KIAA1958: variants seen among roughly 807,000 people sequenced by gnomAD.
KIAA1958 encodes the protein uncharacterized protein KIAA1958.
In KIAA1958, 14 loss-of-function variants were observed where a neutral mutation model predicts 47.2. The ratio of observed to expected loss-of-function variants is 0.30; its 90% CI spans 0.20 to 0.46. The LOEUF is 0.46. Ranked by LOEUF, KIAA1958 falls within the 20% of genes least tolerant of loss-of-function variation. KIAA1958 has a pLI of 1.00. For synonymous variants in KIAA1958, 354 were observed against 353.3 expected (o/e 1.00, Z -0.02); for missense variants, 803 against 909.2 (o/e 0.88, Z 1.50).
At chr9:112,510,948 T>C (rs975840480) in intron 1 of KIAA1958, among the ~76,000 whole-genome samples, 1 of 151,984 alleles carries the variant, frequency 6.6e-6, no homozygotes, top group African/African-American at 2.4e-5. Flanking sequence ...GGGGACAATG[T>C]TGGTGCATTT....
At chr9:112,522,748 C>T (rs1289608078) in intron 1 of KIAA1958, among the ~76,000 whole-genome samples, 1 of 152,140 alleles carries the variant, frequency 6.6e-6, no homozygotes, top group East Asian at 1.9e-4. Context: ...TTTACCCAGC[C>T]CTGAGACTAA....
chr9:112,577,007 T>C (rs1317283286), intron 2 of KIAA1958, among the ~76,000 whole-genome samples: 1 of 152,210 alleles, frequency 6.6e-6, no homozygotes, highest in Non-Finnish European at 1.5e-5. Context: ...CCAACACTTG[T>C]TATTTTTCAT....
chr9:112,564,914 C>G (rs1835401896), intron 1 of KIAA1958, among the ~76,000 whole-genome samples: 1 of 152,040 alleles, frequency 6.6e-6, no homozygotes. Flanking sequence ...GTGCAAGTGA[C>G]TTATTTATTT....
intron 2 of KIAA1958, among the ~76,000 whole-genome samples, chr9:112,639,346 A>G (rs768273751): frequency 4.6e-5 from 7 of 152,228 alleles, no homozygotes; most frequent in Middle Eastern, 3.4e-3. Flanking sequence ...TTATCAGCTC[A>G]ACCTATAATG....
At chr9:112,600,534 C>T (rs964858068) in intron 2 of KIAA1958, among the ~76,000 whole-genome samples, 44 of 152,326 alleles carry the variant, frequency 2.9e-4, no homozygotes, top group African/African-American at 1.0e-3. Flanking sequence ...TCTCTTCTTA[C>T]AGTGACACAA....
intron 1 of KIAA1958, among the ~76,000 whole-genome samples, chr9:112,500,532 C>T (rs1286173592): frequency 6.6e-6 from 1 of 151,040 alleles, no homozygotes; most frequent in East Asian, 1.9e-4. Context: ...TTGAGCAATC[C>T]TCCTGCCTTG....
chr9:112,513,234 ACCTCAGGTGAT>A (rs1391529535), intron 1 of KIAA1958, among the ~76,000 whole-genome samples: 1 of 124,306 alleles, frequency 8.0e-6, no homozygotes, highest in East Asian at 2.2e-4. Flanking sequence ...GGAACTCCTG[ACCTCAGGTGAT>A]CCACCCACCT....
chr9:112,520,111 A>G (rs949040950), intron 1 of KIAA1958, among the ~76,000 whole-genome samples: 1 of 152,210 alleles, frequency 6.6e-6, no homozygotes, highest in Non-Finnish European at 1.5e-5. Flanking sequence ...TTGATGGATT[A>G]AATTGGTTAG....
intron 2 of KIAA1958, among the ~76,000 whole-genome samples, chr9:112,620,271 G>A (rs941044431): frequency 3.3e-5 from 5 of 152,176 alleles, no homozygotes; most frequent in Non-Finnish European, 7.4e-5. Flanking sequence ...TGTATAATCA[G>A]CAACACACAG....
At chr9:112,631,012 T>A (rs947168882) in intron 2 of KIAA1958, among the ~76,000 whole-genome samples, 3 of 152,242 alleles carry the variant, frequency 2.0e-5, no homozygotes, top group African/African-American at 7.2e-5. Context: ...AATATTAGAA[T>A]TCAAGTTGAG....
chr9:112,659,862 C>T lies in KIAA1958; in HGVS notation c.1944C>T (p.Ala648=). ...ACCGGCCGCCCACCCAAATGGAGGC[C>T]AAGTCCCCCTTCTACCTGACTGCCA... The part of the protein sequence containing the change: ...YIHRPPTQME[A]KSPFYLTARK... Residue 648 remains alanine (A), a synonymous_variant, in exon 4 of 4, where the codon GCC becomes GCT. Coordinates refer to ENST00000337530, the MANE Select transcript of KIAA1958 (RefSeq NM_133465.4). 6.2e-7 allele frequency: 1 copy of T among 1,614,142 alleles called. No individual in the cohort carries two copies. Among genetic ancestry groups the T allele is most frequent in the Non-Finnish European group, 8.5e-7 (1 of 1,180,010 alleles).
intron 2 of KIAA1958, among the ~76,000 whole-genome samples, chr9:112,622,469 T>A (rs1248939342): frequency 6.6e-6 from 1 of 152,198 alleles, no homozygotes; most frequent in Non-Finnish European, 1.5e-5. Flanking sequence ...AAACCATAGA[T>A]GCTAGCTATT....
At chr9:112,521,743 G>C (rs905175548) in intron 1 of KIAA1958, among the ~76,000 whole-genome samples, 3 of 151,718 alleles carry the variant, frequency 2.0e-5, no homozygotes, top group African/African-American at 7.3e-5. Context: ...TACATATTCA[G>C]GTTTAATTGT....
At position 112,574,410 on chromosome 9, in the gene KIAA1958, G is replaced by A; in HGVS notation, c.330G>A (p.Lys110=). The A allele has an allele frequency of 6.2e-7, 1 of 1,614,194 alleles. No homozygotes were observed. The change falls in exon 2 of 4, where the codon AAG becomes AAA. Residue 110 remains lysine, a synonymous_variant. Coordinates refer to ENST00000337530, the MANE Select transcript of KIAA1958 (RefSeq NM_133465.4). The part of the protein sequence containing the change: ...ERYPGRPVKA[K]LDCNRTRDSC... Reference sequence around the variant, plus strand: ...ACCCTGGGAGACCAGTGAAAGCAAAGCTAGACTGTAACCGGACCAGAGACT... The same window carrying A: ...ACCCTGGGAGACCAGTGAAAGCAAAACTAGACTGTAACCGGACCAGAGACT...
At chr9:112,637,414 C>T (rs1177371294) in intron 2 of KIAA1958, among the ~76,000 whole-genome samples, 1 of 152,020 alleles carries the variant, frequency 6.6e-6, no homozygotes, top group Non-Finnish European at 1.5e-5. Context: ...TGGAGTTTCG[C>T]TCTTTTGCCC....
At position 112,574,966 on chromosome 9, in the gene KIAA1958, C is replaced by T; in HGVS notation, c.886C>T (p.Pro296Ser). ...RVSLASPNRG[P>S]PGTHGTNQQV... ...ATCTCTGGCTTCACCAAACAGAGGA[C>T]CCCCTGGTACACATGGCACCAACCA... Residue 296 changes from proline to serine, a missense_variant, in exon 2 of 4, where the codon CCC (proline) becomes TCC (serine). Transcript: ENST00000337530. 2 of 1,614,100 alleles carry T rather than the reference C, an allele frequency of 1.2e-6. No individual in the cohort carries two copies. The highest frequency in any genetic ancestry group is 1.7e-6 in the Non-Finnish European group (2 of 1,179,992).
chr9:112,588,886 A>G (rs940988984), intron 2 of KIAA1958, among the ~76,000 whole-genome samples: 1 of 151,678 alleles, frequency 6.6e-6, no homozygotes, highest in African/African-American at 2.4e-5. Context: ...CCAAGAATGG[A>G]TTGGTAGGAA....
intron 2 of KIAA1958, among the ~76,000 whole-genome samples, chr9:112,600,118 G>A (rs573338288): frequency 1.3e-5 from 2 of 152,142 alleles, no homozygotes; most frequent in South Asian, 2.1e-4. Context: ...TTATTCTCTT[G>A]TTCTACTCTT....
Position 112,525,973 on chromosome 9 carries a change from TTCTTCTTCTTCTTCTTCTTCTTCTTC to T in KIAA1958, c.-25+38857_-25+38882del, listed in dbSNP as rs1564159483. ...CTTCTTCTTCTTCTTCTTCTTCTTCTTCTTCTTCTTCTTCTTCTTCTTCTTCTTTTTTTTTTTAAAGAGATGGGGTC... is the reference window on the plus strand; with the variant it reads ...CTTCTTCTTCTTCTTCTTCTTCTTCTTTTTTTTTTTTAAAGAGATGGGGTC... On this transcript the variant is annotated intron_variant, in intron 1 of 3. Transcript: ENST00000337530. Among the ~76,000 whole-genome samples, 9 of 72,008 alleles carry T rather than the reference TTCTTCTTCTTCTTCTTCTTCTTCTTC, an allele frequency of 1.2e-4. 3 individuals are homozygous for T. The highest frequency in any genetic ancestry group is 5.6e-4 in the African/African-American group (9 of 16,114). 47.2% of individuals were successfully genotyped at this position (72,008 alleles called of 152,430 possible).
Sources: allele counts gnomAD v4.1 joint callset (sites outside exome capture counted in the v4.1 genomes callset), GRCh38; gene constraint gnomAD v4.1.1; transcripts MANE v1.5; gene names NCBI Gene and HGNC (gene_info 2026-07-23, HGNC 2026-07-21).